The following TRHDE variants were observed in gnomAD, a reference collection of about 807,000 sequenced individuals.
The protein encoded by TRHDE is thyrotropin-releasing hormone-degrading ectoenzyme.
A neutral mutation model predicts 125.7 loss-of-function variants in TRHDE; 72 were observed. The observed-to-expected ratio is 0.57, with a 90% CI of 0.47 to 0.70. The LOEUF is 0.70. Among genes scored for constraint, TRHDE ranks in the 30% least tolerant of loss-of-function variants. TRHDE has a pLI of 0.00. For missense variants in TRHDE, 1,110 were observed against 1,327.1 expected, an observed-to-expected ratio of 0.84 and a Z score of 2.54; for synonymous variants, 509 against 509.1, an observed-to-expected ratio of 1.00 and a Z score of 0.00.
chr12:72,315,574 A>C (rs998287352), intron 2 of TRHDE, among the ~76,000 whole-genome samples: 8 of 152,218 alleles, frequency 5.3e-5, no homozygotes, highest in South Asian at 2.1e-4. Context: ...TATGGTATGC[A>C]CTTTCTCTCT....
chr12:72,594,518 T>A (rs974765721), intron 12 of TRHDE, among the ~76,000 whole-genome samples: 10 of 151,014 alleles, frequency 6.6e-5, no homozygotes, highest in African/African-American at 2.4e-4. Flanking sequence ...TTTTTTTTTT[T>A]AATATTACTA....
At chr12:72,481,808 A>G (rs1328524760) in intron 5 of TRHDE, among the ~76,000 whole-genome samples, 1 of 151,926 alleles carries the variant, frequency 6.6e-6, no homozygotes, top group African/African-American at 2.4e-5. Context: ...CACTGATTAC[A>G]GTCTTATTTT....
At chr12:72,597,666 T>TTAAAAA in intron 12 of TRHDE, among the ~76,000 whole-genome samples, 1 of 75,660 alleles carries the variant, frequency 1.3e-5, no homozygotes, top group South Asian at 4.2e-4. Flanking sequence ...AGACCTTGTC[T>TTAAAAA]AAAAAAAAAA....
At chr12:72,452,658 G>A (rs1226225536) in intron 3 of TRHDE, among the ~76,000 whole-genome samples, 1 of 152,006 alleles carries the variant, frequency 6.6e-6, no homozygotes, top group Non-Finnish European at 1.5e-5. Flanking sequence ...TTGAAGATGG[G>A]GCCTGATGGG....
intron 2 of TRHDE, among the ~76,000 whole-genome samples, chr12:72,320,204 A>G (rs1348072521): frequency 2.0e-5 from 3 of 152,134 alleles, no homozygotes; most frequent in African/African-American, 4.8e-5. Context: ...ATATACGTAC[A>G]GCCATCCCTC....
intron 12 of TRHDE, among the ~76,000 whole-genome samples, chr12:72,597,369 G>A (rs1474765491): frequency 6.6e-6 from 1 of 151,960 alleles, no homozygotes; most frequent in Non-Finnish European, 1.5e-5. Flanking sequence ...ATAGTGATTT[G>A]TGAAAACTAA....
At chr12:72,108,599 A>G (rs1028110510) in intron 2 of TRHDE, among the ~76,000 whole-genome samples, 6 of 152,070 alleles carry the variant, frequency 3.9e-5, no homozygotes, top group African/African-American at 1.4e-4. Flanking sequence ...AATTATGGTA[A>G]TTTGAATTAG....
intron 2 of TRHDE, among the ~76,000 whole-genome samples, chr12:72,152,996 G>A (rs537858064): frequency 3.3e-5 from 5 of 152,268 alleles, no homozygotes; most frequent in African/African-American, 1.2e-4. Flanking sequence ...TGTACCTCTG[G>A]TAGAATTCGG....
At chr12:72,487,624 C>T (rs1399149622) in intron 5 of TRHDE, among the ~76,000 whole-genome samples, 1 of 152,062 alleles carries the variant, frequency 6.6e-6, no homozygotes, top group African/African-American at 2.4e-5. Flanking sequence ...ACTATACTTA[C>T]AAGAAATACT....
At chr12:72,390,931 C>T (rs1302791064) in intron 3 of TRHDE, among the ~76,000 whole-genome samples, 1 of 152,050 alleles carries the variant, frequency 6.6e-6, no homozygotes, top group African/African-American at 2.4e-5. Flanking sequence ...ATTTTGTTCA[C>T]TTGCTTGTCT....
chr12:72,276,906 A>G (rs886769570), intron 1 of TRHDE, among the ~76,000 whole-genome samples: 1 of 152,222 alleles, frequency 6.6e-6, no homozygotes, highest in African/African-American at 2.4e-5. Context: ...ATGCTTGCTT[A>G]GAATTAGGTA....
chr12:72,591,323 T>C (rs1036710241), intron 12 of TRHDE, among the ~76,000 whole-genome samples: 1 of 152,208 alleles, frequency 6.6e-6, no homozygotes, highest in Admixed American at 6.5e-5. Context: ...TTTTCTGCAT[T>C]ACTCTACATA....
chr12:72,562,833 G>C lies in TRHDE; in HGVS notation c.1855-20G>C. On this transcript the variant is annotated intron_variant, in intron 8 of 18. Transcript: ENST00000261180. ...TAATTCATGTTTATAAAACTAATTT[G>C]TACATTTTTCCTTGTGAAGGCTTTA... 1 of 1,477,834 alleles carries C rather than the reference G, an allele frequency of 6.8e-7. No individual in the cohort carries two copies. Among genetic ancestry groups the C allele is most frequent in the Admixed American group, 2.3e-5 (1 of 42,622 alleles). 91.5% of individuals were successfully genotyped at this position (1,477,834 alleles called of 1,614,324 possible).
chr12:72,380,752 T>TCCA (rs1872118969), intron 3 of TRHDE, among the ~76,000 whole-genome samples: 1 of 96,448 alleles, frequency 1.0e-5, no homozygotes, highest in African/African-American at 6.3e-5. Flanking sequence ...CCTTCCTTCC[T>TCCA]TCCTTCCTTC....
chr12:72,662,701 T>A (rs773186312), intron 18 of TRHDE, among the ~76,000 whole-genome samples: 8 of 152,196 alleles, frequency 5.3e-5, no homozygotes, highest in Non-Finnish European at 8.8e-5. Flanking sequence ...AAGTTAGAAC[T>A]AGTCCTTGCC....
chr12:72,614,330 A>ATATATACATTTT (rs531067163), intron 12 of TRHDE, among the ~76,000 whole-genome samples: 1 of 129,860 alleles, frequency 7.7e-6, no homozygotes, highest in African/African-American at 3.1e-5. Context: ...ATATATATAT[A>ATATATACATTTT]TTTTTTTTTT....
intron 2 of TRHDE, among the ~76,000 whole-genome samples, chr12:72,366,361 A>C (rs1188990267): frequency 6.6e-6 from 1 of 152,106 alleles, no homozygotes; most frequent in East Asian, 1.9e-4. Flanking sequence ...TTAGTAAATA[A>C]ATGTGAAGTG....
At chr12:72,492,383 C>A (rs1056964650) in intron 5 of TRHDE, among the ~76,000 whole-genome samples, 24 of 151,754 alleles carry the variant, frequency 1.6e-4, no homozygotes, top group African/African-American at 5.6e-4. Context: ...AGTTGGATGA[C>A]AATATAAAAT....
At chr12:72,139,601 G>T (rs56093843) in intron 2 of TRHDE, among the ~76,000 whole-genome samples, 299 of 152,010 alleles carry the variant, frequency 2.0e-3, no homozygotes, top group African/African-American at 6.3e-3. Context: ...AATGACACAG[G>T]TGGTAGTGAT....
Sources: allele counts gnomAD v4.1 joint callset (sites outside exome capture counted in the v4.1 genomes callset), GRCh38; gene constraint gnomAD v4.1.1; transcripts MANE v1.5; gene names NCBI Gene and HGNC (gene_info 2026-07-23, HGNC 2026-07-21).